Variants in POLR2F observed in about 807,000 individuals in gnomAD.
POLR2F encodes DNA-directed RNA polymerases I, II, and III subunit RPABC2.
POLR2F carries 12 observed loss-of-function variants against 22.7 expected under a neutral mutation model. The ratio of observed to expected loss-of-function variants is 0.53; its 90% CI spans 0.34 to 0.86. The LOEUF (loss-of-function observed/expected upper bound fraction) is 0.86. Among genes scored for constraint, POLR2F ranks in the 40% least tolerant of loss-of-function variants. The probability of loss-of-function intolerance (pLI) is 0.02; values close to 1 mark genes in which losing one functional copy is unlikely to be tolerated. For missense variants in POLR2F, 126 were observed against 171.5 expected (o/e 0.73, Z 1.48); for synonymous variants, 57 against 66.0 (o/e 0.86, Z 0.66).
At chr22:38,015,995 C>G (rs933668650) in intron 1 of POLR2F, among the ~76,000 whole-genome samples, 1 of 152,100 alleles carries the variant, frequency 6.6e-6, no homozygotes, top group Non-Finnish European at 1.5e-5. Context: ...GCATCCACCC[C>G]TCCTGGAACT....
chr22:37,958,592 A>AGG (rs1219809531), intron 2 of POLR2F: 3 of 151,914 alleles, frequency 2.0e-5, no homozygotes, highest in Non-Finnish European at 4.4e-5. Context: ...AGTTGTCCAA[A>AGG]CCTCTTTCTC....
rs752313809 is a variant in POLR2F at position 38,025,881 on chromosome 22, C to T, written c.135C>T (p.Val45=). The T allele has an allele frequency of 2.4e-5, 21 of 876,086 alleles. No homozygotes were observed. In the South Asian group the frequency reaches 2.6e-4, roughly 11 times the overall value. The allele number at this position is 876,086 out of a possible 1,614,324, so 54.3% of individuals were successfully genotyped here. Residue 45 remains valine (V), a synonymous_variant, in exon 2 of 3, where the codon GTC becomes GTT. Coordinates refer to the POLR2F transcript ENST00000333418. ...ACATCCTCCCCAGGGCTGGGACCGT[C>T]TCTTCTCCCTCCTGTCTTCTACATG...
chr22:38,028,199 G>A (rs2085032021), downstream of POLR2F, among the ~76,000 whole-genome samples: 1 of 152,152 alleles, frequency 6.6e-6, no homozygotes, highest in Non-Finnish European at 1.5e-5. Flanking sequence ...GCTAGAGATG[G>A]AGGAGGTCAC....
intron 5 of POLR2F, chr22:38,040,631 G>A (rs1289898090): frequency 1.0e-5 from 2 of 196,334 alleles, no homozygotes; most frequent in Non-Finnish European, 1.0e-5. Context: ...CTAGCACCTA[G>A]CTCAGTGCCA....
chr22:38,013,688 C>T (rs1361601819), intron 1 of POLR2F, among the ~76,000 whole-genome samples: 2 of 152,212 alleles, frequency 1.3e-5, no homozygotes, highest in African/African-American at 2.4e-5. Context: ...CATTCTCTCT[C>T]CACATTCTTC....
upstream of POLR2F, chr22:37,983,751 G>A (rs1326598634): frequency 6.7e-7 from 1 of 1,487,048 alleles, no homozygotes; most frequent in Non-Finnish European, 8.9e-7. The surrounding 1 kb of genome is among the most constrained non-coding windows in gnomAD (Gnocchi z 9.5). Context: ...ACGGGGCTCA[G>A]CTCCACCTCC....
chr22:38,021,112 C>G (rs1320064488), intron 1 of POLR2F, among the ~76,000 whole-genome samples: 2 of 152,196 alleles, frequency 1.3e-5, no homozygotes, highest in Non-Finnish European at 2.9e-5. Context: ...CACACTGCTT[C>G]TGAGGGGAAG....
intron 1 of POLR2F, among the ~76,000 whole-genome samples, chr22:38,002,461 C>T (rs1448799930): frequency 6.6e-6 from 1 of 152,214 alleles, no homozygotes; most frequent in Non-Finnish European, 1.5e-5. Context: ...CAACCTCCGC[C>T]TCCCAGGCTC....
intron 1 of POLR2F, among the ~76,000 whole-genome samples, chr22:38,007,391 A>G (rs1366633188): frequency 6.6e-6 from 1 of 152,098 alleles, no homozygotes; most frequent in Non-Finnish European, 1.5e-5. Context: ...TGGCTGGCAG[A>G]CAGAAGGGGG....
chr22:37,996,431 TG>T (rs1055462844), intron 1 of POLR2F, among the ~76,000 whole-genome samples: 8 of 152,140 alleles, frequency 5.3e-5, no homozygotes, highest in African/African-American at 1.9e-4. Flanking sequence ...GGCGGGGCAG[TG>T]GGGGACAGAA....
chr22:38,008,444 C>T (rs550096646), intron 1 of POLR2F, among the ~76,000 whole-genome samples: 59 of 151,534 alleles, frequency 3.9e-4, no homozygotes, highest in African/African-American at 5.3e-4. Context: ...ACTAGGGAGG[C>T]GGAGGCAGGA....
chr22:37,967,458 A>C, intron 4 of POLR2F, 167 bp from the exon 5 acceptor site: 1 of 1,437,360 alleles, frequency 7.0e-7, no homozygotes, highest in Non-Finnish European at 9.1e-7. Context: ...GTCTGATATA[A>C]AAACTTTCTT....
At chr22:38,027,704 G>A (rs559048880), downstream of POLR2F, among the ~76,000 whole-genome samples, 6 of 152,084 alleles carry the variant, frequency 3.9e-5, no homozygotes, top group East Asian at 1.9e-4. Context: ...CCCCGCCTCC[G>A]CCACCCCAGG....
In POLR2F at chr22:37,974,487, G is replaced by A. The variant is rs1932167049; in HGVS notation, c.293+7317G>A. Among the ~76,000 whole-genome samples, 1 of 151,968 alleles carries A rather than the reference G, an allele frequency of 6.6e-6. No individual in the cohort carries two copies. Among genetic ancestry groups the A allele is most frequent in the African/African-American group, 2.4e-5 (1 of 41,352 alleles). The stretch of plus-strand genomic sequence containing the variant: ...CCTGCCTCAGCCTCCTGAGTAGCTG[G>A]AATTACAAGCGCCCACCACAATGCC... On this transcript the variant is annotated intron_variant, in intron 4 of 4. Coordinates refer to the POLR2F transcript ENST00000405557. This position sits in a 1 kb window ranked among gnomAD's most constrained non-coding sequence, Gnocchi z 5.4.
chr22:37,990,732 G>A (rs540887522), intron 1 of POLR2F, among the ~76,000 whole-genome samples: 2 of 152,368 alleles, frequency 1.3e-5, no homozygotes, highest in Non-Finnish European at 2.9e-5. Flanking sequence ...GCCCTGTGTT[G>A]CCTTGGCAAC....
intron 3 of POLR2F, among the ~76,000 whole-genome samples, chr22:37,959,860 A>G (rs1203185689): frequency 1.3e-5 from 2 of 150,792 alleles, no homozygotes; most frequent in African/African-American, 2.4e-5. Context: ...CTGGAGTGCA[A>G]TGGCACAATC....
chr22:37,992,293 A>T (rs552529871), intron 1 of POLR2F, among the ~76,000 whole-genome samples: 14 of 152,342 alleles, frequency 9.2e-5, no homozygotes, highest in Admixed American at 3.3e-4. Flanking sequence ...CACATGACGG[A>T]ACCCAGTAAA....
At chr22:37,964,206 C>T (rs1341530782) in intron 3 of POLR2F, among the ~76,000 whole-genome samples, 2 of 151,764 alleles carry the variant, frequency 1.3e-5, no homozygotes, top group African/African-American at 2.4e-5. Context: ...AAGGCAGATG[C>T]GAGTGGTGCT....
chr22:37,970,199 C>T (rs1219775656), downstream of POLR2F, among the ~76,000 whole-genome samples: 6 of 150,846 alleles, frequency 4.0e-5, no homozygotes, highest in East Asian at 1.9e-4. Context: ...GAGGCTGAGG[C>T]GGGAGAATGG....
Sources: gnomAD v4.1 joint callset for allele counts (sites outside exome capture counted in the v4.1 genomes callset) on GRCh38, gnomAD v4.1.1 for gene constraint, Gnocchi (gnomAD v3.1) non-coding constraint, MANE v1.5 for transcripts, NCBI Gene and HGNC (gene_info 2026-07-23, HGNC 2026-07-21) for gene names.